RBMS3: variants seen among roughly 807,000 people sequenced by gnomAD.
RBMS3 encodes the protein RNA-binding motif, single-stranded-interacting protein 3.
In RBMS3, 27 loss-of-function variants were observed where a neutral mutation model predicts 66.8. That is an observed-to-expected ratio of 0.40 (90% CI 0.30 to 0.56). RBMS3 has a LOEUF of 0.56. Among genes scored for constraint, RBMS3 ranks in the 20% least tolerant of loss-of-function variants. The pLI is 0.40. For missense variants in RBMS3, 513 were observed against 549.5 expected (o/e 0.93, Z 0.66); for synonymous variants, 188 against 183.0 (o/e 1.03, Z -0.22).
intron 4 of RBMS3, among the ~76,000 whole-genome samples, chr3:29,695,428 T>A (rs573316648): frequency 3.9e-5 from 6 of 152,208 alleles, no homozygotes; most frequent in Non-Finnish European, 8.8e-5. Flanking sequence ...GAACTCTGTG[T>A]AGAGTATGTA....
intron 3 of RBMS3, among the ~76,000 whole-genome samples, chr3:29,514,259 A>G (rs908433564): frequency 2.0e-5 from 3 of 152,086 alleles, no homozygotes; most frequent in African/African-American, 4.8e-5. Flanking sequence ...GTACTTCCCT[A>G]TATTCGTCTC....
chr3:29,633,578 C>T (rs530272805), intron 4 of RBMS3, among the ~76,000 whole-genome samples: 1 of 151,746 alleles, frequency 6.6e-6, no homozygotes, highest in Non-Finnish European at 1.5e-5. Flanking sequence ...GGGCTTCCAG[C>T]TTGTTTTTTC....
chr3:29,407,349 A>T (rs1444200265), intron 1 of RBMS3, among the ~76,000 whole-genome samples: 1 of 152,182 alleles, frequency 6.6e-6, no homozygotes, highest in Non-Finnish European at 1.5e-5. Context: ...CTAGCGACTG[A>T]GGTGTATGTA....
At position 29,897,376 on chromosome 3, in the gene RBMS3, C is replaced by T; in HGVS notation, c.792-3C>T. On this transcript the variant is annotated splice_region_variant and splice_polypyrimidine_tract_variant and intron_variant, in intron 8 of 14. Transcript: ENST00000383767. Reference sequence around the variant, plus strand: ...AATCTTCCTTTTTGTTTTCTGTTTGCAGATTTTATTCTTCACCGTACAGTA... The same window carrying T: ...AATCTTCCTTTTTGTTTTCTGTTTGTAGATTTTATTCTTCACCGTACAGTA... 6.2e-7 allele frequency: 1 copy of T among 1,609,830 alleles called. No homozygotes were observed. The highest frequency in any genetic ancestry group is 2.2e-5 in the East Asian group (1 of 44,774).
At chr3:29,921,306 T>C (rs1221735666) in intron 10 of RBMS3, among the ~76,000 whole-genome samples, 4 of 151,850 alleles carry the variant, frequency 2.6e-5, no homozygotes, top group Admixed American at 2.0e-4. Context: ...TCAAGTGATC[T>C]GCCTGCCTCA....
At chr3:29,576,637 AC>A (rs1196622751) in intron 3 of RBMS3, among the ~76,000 whole-genome samples, 3 of 152,136 alleles carry the variant, frequency 2.0e-5, no homozygotes, top group South Asian at 2.1e-4. Context: ...GTAGTCAAAA[AC>A]CTTAAAAATT....
chr3:29,780,035 T>C (rs747376651), intron 6 of RBMS3, among the ~76,000 whole-genome samples: 34 of 151,796 alleles, frequency 2.2e-4, no homozygotes, highest in Non-Finnish European at 4.0e-4. Flanking sequence ...TCAAGGAATA[T>C]TCTGGAGAAG....
At chr3:29,578,792 T>TAAAGGGGTTACCCCATATGTAGAATTCAC (rs1203023269) in intron 3 of RBMS3, among the ~76,000 whole-genome samples, 21 of 116,594 alleles carry the variant, frequency 1.8e-4, no homozygotes, top group South Asian at 1.3e-3. Context: ...ACATGCTTCT[T>TAAAGGGGTTACCCCATATGTAGAATTCAC]TTTTTTTTTT....
rs564623885 is a variant in RBMS3, at chr3:29,953,647, G to A, written c.1098+9393G>A. ...TCATCACATACATACTATGTTCTAG[G>A]CACTGTTCTTAGTGCTCTACGTGAA... On this transcript the variant is annotated intron_variant, in intron 12 of 14. Coordinates refer to ENST00000383767, the MANE Select transcript of RBMS3 (RefSeq NM_001003793.3). Among the ~76,000 whole-genome samples the A allele has an allele frequency of 5.3e-5, 8 of 151,870 alleles. No individual in the cohort carries two copies. The South Asian group carries it at 1.7e-3, about 32-fold the overall frequency.
At chr3:29,913,528 A>T (rs1399351931) in intron 10 of RBMS3, among the ~76,000 whole-genome samples, 1 of 151,920 alleles carries the variant, frequency 6.6e-6, no homozygotes, top group Non-Finnish European at 1.5e-5. Context: ...AGCTGAGAAA[A>T]CTGAAAGCAA....
intron 6 of RBMS3, among the ~76,000 whole-genome samples, chr3:29,824,662 A>G (rs1031243099): frequency 5.9e-5 from 9 of 152,310 alleles, no homozygotes; most frequent in African/African-American, 1.2e-4. Context: ...GGAAGTTAAT[A>G]TCAACACATC....
intron 4 of RBMS3, among the ~76,000 whole-genome samples, chr3:29,631,142 G>A (rs2049267683): frequency 6.6e-6 from 1 of 151,816 alleles, no homozygotes; most frequent in Non-Finnish European, 1.5e-5. Context: ...TCTCCTAATT[G>A]CATTATAACT....
intron 1 of RBMS3, among the ~76,000 whole-genome samples, chr3:29,375,229 A>G (rs1207701734): frequency 6.6e-6 from 1 of 152,252 alleles, no homozygotes; most frequent in Non-Finnish European, 1.5e-5. Context: ...AAAGACTTAA[A>G]TGTAGAACTC....
chr3:29,556,602 CAA>C (rs71769481), intron 3 of RBMS3, among the ~76,000 whole-genome samples: 81,098 of 149,036 alleles, frequency 0.54, 22,467 homozygotes, highest in Middle Eastern at 0.66. Flanking sequence ...GACTCCGTCT[CAA>C]AAAAAAAAGA....
At chr3:29,921,783 T>C (rs980836259) in intron 10 of RBMS3, among the ~76,000 whole-genome samples, 2 of 152,216 alleles carry the variant, frequency 1.3e-5, no homozygotes, top group African/African-American at 4.8e-5. Context: ...TGTTTTTAGA[T>C]GCAATCCGGT....
intron 4 of RBMS3, among the ~76,000 whole-genome samples, chr3:29,644,506 T>C (rs1033485808): frequency 6.6e-6 from 1 of 152,206 alleles, no homozygotes; most frequent in Non-Finnish European, 1.5e-5. Flanking sequence ...GTGTCTCAGA[T>C]GGAACACGTA....
intron 6 of RBMS3, among the ~76,000 whole-genome samples, chr3:29,836,470 G>A (rs896549918): frequency 8.6e-5 from 13 of 151,858 alleles, no homozygotes; most frequent in Admixed American, 3.3e-4. Context: ...AACATATACC[G>A]CAGCACCTCA....
At chr3:29,851,726 G>C (rs1449280) in intron 6 of RBMS3, among the ~76,000 whole-genome samples, 55,672 of 152,036 alleles carry the variant, frequency 0.37, 10,404 homozygotes, top group Non-Finnish European at 0.4. Context: ...TGGTAAATCT[G>C]TTCTAATATT....
At chr3:29,552,008 T>TAA (rs3836339) in intron 3 of RBMS3, among the ~76,000 whole-genome samples, 14 of 151,284 alleles carry the variant, frequency 9.3e-5, no homozygotes, top group South Asian at 2.1e-4. Flanking sequence ...CACAAATGCT[T>TAA]AAAAAAAAAG....
Sources: gnomAD v4.1 joint callset for allele counts (sites outside exome capture counted in the v4.1 genomes callset) on GRCh38, gnomAD v4.1.1 for gene constraint, MANE v1.5 for transcripts, NCBI Gene and HGNC (gene_info 2026-07-23, HGNC 2026-07-21) for gene names.